GLIPR1L2: variants seen among roughly 807,000 people sequenced by gnomAD.
GLIPR1L2 encodes the protein GLIPR1 like 2.
GLIPR1L2 carries 21 observed loss-of-function variants against 28.4 expected under a neutral mutation model. The observed-to-expected ratio is 0.74, with a 90% CI of 0.52 to 1.06. GLIPR1L2 has a LOEUF of 1.06. Ranked by LOEUF, GLIPR1L2 falls within the 50% of genes least tolerant of loss-of-function variation. The pLI, the probability that GLIPR1L2 is intolerant of heterozygous loss-of-function variation, is 0.00. For missense variants in GLIPR1L2, 476 were observed against 416.9 expected (o/e 1.14, Z -1.23); for synonymous variants, 145 against 139.3 (o/e 1.04, Z -0.29).
At chr12:75,395,303 T>C (rs1476411304) in intron 1 of GLIPR1L2, among the ~76,000 whole-genome samples, 1 of 152,068 alleles carries the variant, frequency 6.6e-6, no homozygotes, top group Non-Finnish European at 1.5e-5. Context: ...TATAATTCTT[T>C]TAATGTGTTG....
At chr12:75,427,731 C>T (rs2046048575) in intron 4 of GLIPR1L2, among the ~76,000 whole-genome samples, 1 of 152,080 alleles carries the variant, frequency 6.6e-6, no homozygotes, top group Non-Finnish European at 1.5e-5. Flanking sequence ...ATCAGGGGGG[C>T]AGTTTCTCTC....
At chr12:75,407,390 G>A (rs983998982) in intron 1 of GLIPR1L2, among the ~76,000 whole-genome samples, 4 of 151,996 alleles carry the variant, frequency 2.6e-5, no homozygotes, top group African/African-American at 9.7e-5. Flanking sequence ...ATGTGTAAAA[G>A]CACAAAGGGA....
At chr12:75,417,829 G>C (rs2045938059) in intron 3 of GLIPR1L2, among the ~76,000 whole-genome samples, 1 of 151,704 alleles carries the variant, frequency 6.6e-6, no homozygotes, top group Non-Finnish European at 1.5e-5. Flanking sequence ...CATTTTCAAA[G>C]ATAAAAACTC....
intron 1 of GLIPR1L2, among the ~76,000 whole-genome samples, chr12:75,392,226 G>A (rs1030673959): frequency 1.3e-5 from 2 of 152,164 alleles, no homozygotes; most frequent in Non-Finnish European, 1.5e-5. Flanking sequence ...ATAAATTAAG[G>A]GTATGATATT....
chr12:75,411,636 A>G (rs1039071263), intron 2 of GLIPR1L2, among the ~76,000 whole-genome samples: 3 of 151,694 alleles, frequency 2.0e-5, no homozygotes, highest in Non-Finnish European at 4.4e-5. Context: ...CTGTGTTTTT[A>G]CTCCTTAATT....
intron 3 of GLIPR1L2, among the ~76,000 whole-genome samples, chr12:75,421,753 A>G (rs926272345): frequency 1.3e-5 from 2 of 152,120 alleles, no homozygotes; most frequent in Admixed American, 6.5e-5. Flanking sequence ...AATGGGTTAA[A>G]TCAACTTTGT....
chr12:75,429,482 G>A (rs11609538), intron 4 of GLIPR1L2, among the ~76,000 whole-genome samples: 26,623 of 152,092 alleles, frequency 0.18, 2,569 homozygotes, highest in Admixed American at 0.24. Context: ...GACTTGTCTT[G>A]TCTCAGATGA....
At chr12:75,394,579 A>G (rs1159478536) in intron 1 of GLIPR1L2, among the ~76,000 whole-genome samples, 2 of 151,844 alleles carry the variant, frequency 1.3e-5, no homozygotes, top group Admixed American at 1.3e-4. Context: ...CCTCTATTCC[A>G]TTCTGTTAGT....
chr12:75,391,811 T>A (rs1353617710), intron 1 of GLIPR1L2, among the ~76,000 whole-genome samples: 1 of 152,182 alleles, frequency 6.6e-6, no homozygotes, highest in Non-Finnish European at 1.5e-5. Context: ...TTGAAATTTT[T>A]ATTTTTAGCT....
chr12:75,406,665 G>T (rs1180981160), intron 1 of GLIPR1L2, among the ~76,000 whole-genome samples: 2 of 151,178 alleles, frequency 1.3e-5, no homozygotes, highest in Non-Finnish European at 1.5e-5. Flanking sequence ...GGCTAACAAA[G>T]GAGGATCAGT....
At position 75,413,641 on chromosome 12, in the gene GLIPR1L2, C is replaced by T; in HGVS notation, c.524C>T (p.Pro175Leu). 6.4e-6 allele frequency: 10 copies of T among 1,565,396 alleles called. No individual in the cohort carries two copies. Among genetic ancestry groups the T allele is most frequent in the East Asian group, 2.4e-5 (1 of 41,580 alleles). The stretch of plus-strand genomic sequence containing the variant: ...TACAAAGTTGGTTGTGCTGTTACTC[C>T]ATGTTCAAAAATTGGACATATTATA... Reference protein sequence around the residue: ...HSYKVGCAVTPCSKIGHIIHA... With the variant: ...HSYKVGCAVTLCSKIGHIIHA... Residue 175 changes from proline (P) to leucine (L), a missense_variant, in exon 3 of 6, where the codon CCA (proline) becomes CTA (leucine). By Grantham distance (98) the Pro-to-Leu change is moderately conservative (BLOSUM62 -3). Coordinates refer to ENST00000550916, the MANE Select transcript of GLIPR1L2 (RefSeq NM_001270396.2).
intron 1 of GLIPR1L2, among the ~76,000 whole-genome samples, chr12:75,400,470 G>C (rs1285650888): frequency 6.6e-6 from 1 of 152,094 alleles, no homozygotes; most frequent in Non-Finnish European, 1.5e-5. Flanking sequence ...TCTTGGAAAA[G>C]CAAGGTACAT....
chr12:75,416,963 A>G (rs1299132779), intron 3 of GLIPR1L2, among the ~76,000 whole-genome samples: 1 of 152,110 alleles, frequency 6.6e-6, no homozygotes, highest in African/African-American at 2.4e-5. Context: ...ATCCATTACA[A>G]TATTATAAAA....
chr12:75,431,306 C>T lies in GLIPR1L2; in HGVS notation c.*145C>T, dbSNP rs1338601806. The T allele has an allele frequency of 1.7e-6, 1 of 578,706 alleles. No homozygotes were observed. The highest frequency in any genetic ancestry group is 3.0e-6 in the Non-Finnish European group (1 of 329,638). 35.8% of individuals were successfully genotyped at this position (578,706 alleles called of 1,614,324 possible). ...CCACCATTGGAATGTTTTTTATTCCCTTCTCTCCTATACTTATTCAATCAA... is the reference window on the plus strand; with the variant it reads ...CCACCATTGGAATGTTTTTTATTCCTTTCTCTCCTATACTTATTCAATCAA... On this transcript the variant is annotated 3_prime_UTR_variant, in exon 6 of 6. Coordinates refer to ENST00000550916, the MANE Select transcript of GLIPR1L2 (RefSeq NM_001270396.2).
At chr12:75,403,689 C>T (rs762102152) in intron 1 of GLIPR1L2, among the ~76,000 whole-genome samples, 2 of 152,082 alleles carry the variant, frequency 1.3e-5, no homozygotes, top group African/African-American at 4.8e-5. Flanking sequence ...CCTCCTTATA[C>T]CACCTTTGAT....
chr12:75,431,058 A>AGGAAAT lies in GLIPR1L2; in HGVS notation c.945_950dup (p.Met315_Glu316dup), dbSNP rs759382251. ...AAAGAGGAAGAGAAGAAAGAGAAAG[A>AGGAAAT]GGAAATGGAAATGGAAATAATGGAA... is the stretch of plus-strand genomic sequence containing the variant. On this transcript the variant is annotated inframe_insertion, in exon 6 of 6. Coordinates refer to ENST00000550916, the MANE Select transcript of GLIPR1L2 (RefSeq NM_001270396.2). The AGGAAAT allele has an allele frequency of 6.9e-7, 1 of 1,448,052 alleles. No individual in the cohort carries two copies. The highest frequency in any genetic ancestry group is 1.2e-5 in the South Asian group (1 of 82,206). 89.7% of individuals were successfully genotyped at this position (1,448,052 alleles called of 1,614,324 possible).
At chr12:75,408,006 C>T (rs1166056453) in intron 1 of GLIPR1L2, among the ~76,000 whole-genome samples, 1 of 151,904 alleles carries the variant, frequency 6.6e-6, no homozygotes, top group Non-Finnish European at 1.5e-5. Context: ...AGACATATTC[C>T]AGGGAAATAT....
chr12:75,427,837 C>G (rs2046049746), intron 4 of GLIPR1L2, among the ~76,000 whole-genome samples: 1 of 152,216 alleles, frequency 6.6e-6, no homozygotes, highest in South Asian at 2.1e-4. Flanking sequence ...TAAGATGTGC[C>G]TTGCTTCCCC....
At chr12:75,425,938 A>T (rs1271928474) in intron 4 of GLIPR1L2, among the ~76,000 whole-genome samples, 1 of 152,144 alleles carries the variant, frequency 6.6e-6, no homozygotes, top group Admixed American at 6.6e-5. Context: ...TTTAATAAAC[A>T]TATATATAAA....
Sources: gnomAD v4.1 joint callset for allele counts (sites outside exome capture counted in the v4.1 genomes callset) on GRCh38, gnomAD v4.1.1 for gene constraint, MANE v1.5 for transcripts, NCBI Gene and HGNC (gene_info 2026-07-23, HGNC 2026-07-21) for gene names.